The following TSPAN32 variants were observed in gnomAD, a reference collection of about 807,000 sequenced individuals.
TSPAN32 encodes tetraspanin 32, also known as tetraspanin-32.
TSPAN32 carries 47 observed loss-of-function variants against 42.7 expected under a neutral mutation model. That is an observed-to-expected ratio of 1.10 (90% CI 0.87 to 1.40). The LOEUF (loss-of-function observed/expected upper bound fraction) is 1.40. Ranked by LOEUF, TSPAN32 falls within the 40% of genes most tolerant of loss-of-function variation. The pLI, the probability that TSPAN32 is intolerant of heterozygous loss-of-function variation, is 0.00. For missense variants in TSPAN32, 469 were observed against 424.1 expected (o/e 1.11, Z -0.93); for synonymous variants, 175 against 175.9 (o/e 0.99, Z 0.04).
rs1020303212 is a variant in TSPAN32 at position 2,313,366 on chromosome 11, C to T, written c.355-288C>T. Among the ~76,000 whole-genome samples, 37 of 152,174 alleles carry T rather than the reference C, an allele frequency of 2.4e-4. No individual in the cohort carries two copies. The highest frequency in any genetic ancestry group is 6.5e-4 in the African/African-American group (27 of 41,442). ...CAACCTTGTAAGACCACAGCGGAGG[C>T]GGACGCAGAGCTTGGCCTCTGCTTT... On this transcript the variant is annotated intron_variant, in intron 4 of 9. Coordinates refer to ENST00000182290, the MANE Select transcript of TSPAN32 (RefSeq NM_139022.3). The surrounding 1 kb of genome is among the most constrained non-coding windows in gnomAD (Gnocchi z 9.1).
intron 4 of TSPAN32, among the ~76,000 whole-genome samples, chr11:2,310,732 G>A (rs1848412787): frequency 6.6e-6 from 1 of 152,248 alleles, no homozygotes; most frequent in African/African-American, 2.4e-5. Context: ...GAATGGCCAG[G>A]TGTGTGCAAA....
At position 2,317,010 on chromosome 11, in the gene TSPAN32, A is replaced by T. The variant is rs11022258; in HGVS notation, c.720-334A>T. ...CCAGAGCTCCTCATGCTTAGGGGGC[A>T]GGGAGGGTCCAACCCACAGCCAGGC... On this transcript the variant is annotated intron_variant, in intron 8 of 9. Coordinates refer to ENST00000182290, the MANE Select transcript of TSPAN32 (RefSeq NM_139022.3). This position sits in a 1 kb window ranked among gnomAD's most constrained non-coding sequence, Gnocchi z 6.2. Among the ~76,000 whole-genome samples, 97,214 of 151,734 alleles carry T rather than the reference A, an allele frequency of 0.64. 32,611 individuals carry two copies. Among genetic ancestry groups the T allele is most frequent in the Non-Finnish European group, 0.76 (51,835 of 67,848 alleles).
chr11:2,307,233 G>A (rs1014732691), intron 3 of TSPAN32, among the ~76,000 whole-genome samples: 1 of 152,152 alleles, frequency 6.6e-6, no homozygotes, highest in Admixed American at 6.5e-5. Context: ...ACGCCCCTCT[G>A]GCCCAGCTTC....
Position 2,317,502 on chromosome 11 carries a change from C to T in TSPAN32, c.878C>T (p.Ser293Phe), listed in dbSNP as rs1848878014. Residue 293 changes from serine to phenylalanine, a missense_variant, in exon 9 of 10, where the codon TCC becomes TTC. Transcript: ENST00000182290. The surrounding 1 kb of genome is among the most constrained non-coding windows in gnomAD (Gnocchi z 6.2). ...QESDAAPLPL[S>F]CHLAAHRALQ... ...AGCGATGCTGCGCCTCTGCCCCTCT[C>T]CTGCCACCTGGCTGCCCACAGAGGT... 2.5e-6 allele frequency: 4 copies of T among 1,588,090 alleles called. No homozygotes were observed.
intron 4 of TSPAN32, chr11:2,309,464 G>GCTC: frequency 2.3e-6 from 1 of 428,560 alleles, no homozygotes; most frequent in Non-Finnish European, 4.9e-6. Flanking sequence ...GAGAATGAGA[G>GCTC]CTCGGTAGCA....
Position 2,304,267 on chromosome 11 carries a change from C to A in TSPAN32, c.279+63C>A. ...AAAAGAATTAGAAAGGAGTGAAGAG[C>A]TGGCAGGGCTGTGTGCCACCCCCAC... On this transcript the variant is annotated intron_variant, in intron 3 of 9. Transcript: ENST00000182290. This position sits in a 1 kb window ranked among gnomAD's most constrained non-coding sequence, Gnocchi z 4.8. 1.6e-6 allele frequency: 2 copies of A among 1,236,530 alleles called. No homozygotes were observed. The highest frequency in any genetic ancestry group is 2.2e-6 in the Non-Finnish European group (2 of 905,166). 76.6% of individuals were successfully genotyped at this position (1,236,530 alleles called of 1,614,324 possible).
chr11:2,312,293 C>G (rs1274536156), intron 4 of TSPAN32, among the ~76,000 whole-genome samples: 1 of 152,222 alleles, frequency 6.6e-6, no homozygotes, highest in African/African-American at 2.4e-5. Context: ...CAGTCCTCAC[C>G]AGGACCTCCA....
At position 2,317,638 on chromosome 11, in the gene TSPAN32, A is replaced by G; in HGVS notation, c.901+113A>G. 1 of 1,487,388 alleles carries G rather than the reference A, an allele frequency of 6.7e-7. No homozygotes were observed. Among genetic ancestry groups the G allele is most frequent in the East Asian group, 2.5e-5 (1 of 40,502 alleles). The allele number at this position is 1,487,388 out of a possible 1,614,324, so 92.1% of individuals were successfully genotyped here. On this transcript the variant is annotated intron_variant, in intron 9 of 9. Coordinates refer to ENST00000182290, the MANE Select transcript of TSPAN32 (RefSeq NM_139022.3). This position sits in a 1 kb window ranked among gnomAD's most constrained non-coding sequence, Gnocchi z 6.2. ...GAGAGCCAGGCTCCATTGGGAACAG[A>G]TGCAAGGGTAAGGGGTAGCTCACCA...
intron 4 of TSPAN32, among the ~76,000 whole-genome samples, chr11:2,312,487 C>G (rs995611886): frequency 6.6e-6 from 1 of 152,214 alleles, no homozygotes; most frequent in African/African-American, 2.4e-5. Flanking sequence ...AGTGGTCTGA[C>G]TTTTATTAGC....
Position 2,304,309 on chromosome 11 carries a change from A to G in TSPAN32, c.279+105A>G. 1.2e-6 allele frequency: 1 copy of G among 806,708 alleles called. No homozygotes were observed. The highest frequency in any genetic ancestry group is 3.2e-4 in the Middle Eastern group (1 of 3,158). 50.0% of individuals were successfully genotyped at this position (806,708 alleles called of 1,614,324 possible). The stretch of plus-strand genomic sequence containing the variant: ...CACCCCCACACCTGAGTGACCAGGC[A>G]GAACCAGAGGCCCCAGGGATGCTGG... On this transcript the variant is annotated intron_variant, in intron 3 of 9. Coordinates refer to ENST00000182290, the MANE Select transcript of TSPAN32 (RefSeq NM_139022.3). The surrounding 1 kb of genome is among the most constrained non-coding windows in gnomAD (Gnocchi z 4.8).
At chr11:2,308,320 G>T (rs1225986091) in intron 3 of TSPAN32, among the ~76,000 whole-genome samples, 1 of 152,034 alleles carries the variant, frequency 6.6e-6, no homozygotes, top group African/African-American at 2.4e-5. Flanking sequence ...GCATCCTGCT[G>T]GGGGCGCAGC....
intron 3 of TSPAN32, among the ~76,000 whole-genome samples, chr11:2,307,992 C>T (rs1029260247): frequency 8.5e-5 from 13 of 152,140 alleles, no homozygotes; most frequent in African/African-American, 1.9e-4. Flanking sequence ...CCTACAGCCC[C>T]GGCCCTGGAG....
intron 4 of TSPAN32, among the ~76,000 whole-genome samples, chr11:2,312,624 T>C (rs1172462276): frequency 3.3e-5 from 5 of 152,204 alleles, no homozygotes; most frequent in Non-Finnish European, 4.4e-5. Context: ...GCCCGCCCAG[T>C]TGGCCGCTGT....
Position 2,317,885 on chromosome 11 carries a change from T to C in TSPAN32, c.924T>C (p.Gly308=). 7.0e-7 allele frequency: 1 copy of C among 1,429,438 alleles called. No homozygotes were observed. The highest frequency in any genetic ancestry group is 1.1e-5 in the South Asian group (1 of 87,400). The allele number at this position is 1,429,438 out of a possible 1,614,324, so 88.5% of individuals were successfully genotyped here. A position where few individuals can be genotyped will look rare whatever the true frequency, so the allele number is the denominator to read the frequency against. ...AHRALQGRSR[G]GLSGCPERGL... The stretch of plus-strand genomic sequence containing the variant: ...CAGCTCTCCAGGGCAGAAGTCGCGG[T>C]GGGCTCAGTGGGTGCCCTGAGCGGG... Residue 308 remains glycine (G), a synonymous_variant, in exon 10 of 10, where the codon GGT becomes GGC. Transcript: ENST00000182290. This position sits in a 1 kb window ranked among gnomAD's most constrained non-coding sequence, Gnocchi z 6.2.
At chr11:2,306,848 AGGGGG>A in intron 3 of TSPAN32, 1 of 42,210 alleles carries the variant, frequency 2.4e-5, no homozygotes, top group Non-Finnish European at 4.2e-5. Context: ...AGGGAGAGGG[AGGGGG>A]AGGGGGGAGA....
chr11:2,308,852 A>C, intron 4 of TSPAN32, 42 bp downstream of exon 4: 1 of 1,325,500 alleles, frequency 7.5e-7, no homozygotes, highest in South Asian at 1.3e-5. Context: ...AGGGTCCCCC[A>C]GTAAGCCAGT....
chr11:2,306,581 G>A (rs1023290666), intron 3 of TSPAN32, among the ~76,000 whole-genome samples: 1 of 151,288 alleles, frequency 6.6e-6, no homozygotes, highest in Admixed American at 6.6e-5. Flanking sequence ...AAGAGAGAGA[G>A]AGGCCGTGGA....
rs564072310 is a variant in TSPAN32, at chr11:2,317,767, G to C, written c.902-96G>C. 1 of 1,552,830 alleles carries C rather than the reference G, an allele frequency of 6.4e-7. No homozygotes were observed. The highest frequency in any genetic ancestry group is 1.2e-5 in the South Asian group (1 of 85,058). ...ACACTGGTGGCCCACGGCCTGGAGG[G>C]CTCCACCCAGACACAAGCTGCACTG... On this transcript the variant is annotated intron_variant, in intron 9 of 9. Transcript: ENST00000182290. The surrounding 1 kb of genome is among the most constrained non-coding windows in gnomAD (Gnocchi z 6.2).
intron 4 of TSPAN32, among the ~76,000 whole-genome samples, chr11:2,310,536 C>G (rs2133336721): frequency 6.6e-6 from 1 of 152,336 alleles, no homozygotes; most frequent in African/African-American, 2.4e-5. Context: ...CTGCCCCTCC[C>G]AGTGGGTCTT....
Sources: gnomAD v4.1 joint callset for allele counts (sites outside exome capture counted in the v4.1 genomes callset) on GRCh38, gnomAD v4.1.1 for gene constraint, Gnocchi (gnomAD v3.1) non-coding constraint, MANE v1.5 for transcripts, NCBI Gene and HGNC (gene_info 2026-07-23, HGNC 2026-07-21) for gene names.